The following OTOGL variants were observed in gnomAD, a reference collection of about 807,000 sequenced individuals.
OTOGL encodes otogelin like.
Under a neutral mutation model 318.5 loss-of-function variants are expected in OTOGL, and 285 were observed. The ratio of observed to expected loss-of-function variants is 0.89; its 90% CI spans 0.81 to 0.99. The LOEUF is 0.99. Ranked by LOEUF, OTOGL falls within the 50% of genes least tolerant of loss-of-function variation. The probability of loss-of-function intolerance (pLI) is 0.00; values close to 1 mark genes in which losing one functional copy is unlikely to be tolerated. For synonymous variants in OTOGL, 987 were observed against 936.5 expected (o/e 1.05, Z -0.99); for missense variants, 2,899 against 2,845.6 (o/e 1.02, Z -0.43).
rs1181700957 is a variant in OTOGL, at chr12:80,378,911, A to G, written c.*863A>G. The G allele has an allele frequency of 6.6e-6, 1 of 152,458 alleles. No individual in the cohort carries two copies. The highest frequency in any genetic ancestry group is 6.6e-5 in the Admixed American group (1 of 15,242). The allele number at this position is 152,458 out of a possible 1,614,324, so 9.4% of individuals were successfully genotyped here. A position where few individuals can be genotyped will look rare whatever the true frequency, so the allele number is the denominator to read the frequency against. ...GATAGATCTTGAACTGTTATTTTTT[A>G]TATAATTAAAACTGCTATTAAATGT... is the stretch of plus-strand genomic sequence containing the variant. On this transcript the variant is annotated 3_prime_UTR_variant, in exon 59 of 59. Transcript: ENST00000547103.
rs540699604 is a variant in OTOGL, at chr12:80,122,868, G to C, written c.-20+23263G>C. Among the ~76,000 whole-genome samples, 6 of 151,696 alleles carry C rather than the reference G, an allele frequency of 4.0e-5. No homozygotes were observed. In the East Asian group the frequency reaches 1.2e-3, roughly 29 times the overall value. On this transcript the variant is annotated intron_variant, in intron 1 of 58. Coordinates refer to ENST00000547103, the MANE Select transcript of OTOGL (RefSeq NM_001378609.3). ...CAGTTGCTCTGCAAGTTGAGTCCTT[G>C]CTTGCACTCTGGATTTTATTTTTAT...
At chr12:80,332,496 G>C (rs1446475286) in intron 37 of OTOGL, among the ~76,000 whole-genome samples, 1 of 151,948 alleles carries the variant, frequency 6.6e-6, no homozygotes. Context: ...CTTTTCTATG[G>C]GTCACTCCTA....
chr12:80,365,316 T>G (rs560551153), intron 52 of OTOGL, among the ~76,000 whole-genome samples: 44 of 152,224 alleles, frequency 2.9e-4, no homozygotes, highest in African/African-American at 9.9e-4. Context: ...ATTACCATAT[T>G]TTTTCAGGTA....
intron 1 of OTOGL, among the ~76,000 whole-genome samples, chr12:80,174,119 C>A (rs1332018968): frequency 6.6e-6 from 1 of 152,082 alleles, no homozygotes; most frequent in Non-Finnish European, 1.5e-5. Flanking sequence ...TTGTTTAAAC[C>A]ATGCTGATTT....
chr12:80,366,352 A>T (rs1396240714), intron 52 of OTOGL: 4 of 461,574 alleles, frequency 8.7e-6, no homozygotes, highest in Non-Finnish European at 1.7e-5. Flanking sequence ...AAAGTTCCTA[A>T]GGTTGGCAAA....
Position 80,356,396 on chromosome 12 carries a change from A to T in OTOGL, c.5807-20A>T, listed in dbSNP as rs1163816898. ...TTTAGTTGTGTTCACTAATATTTTA[A>T]CAGTTTTTCTTATTTATAGGATGTG... On this transcript the variant is annotated intron_variant, in intron 47 of 58. Coordinates refer to ENST00000547103, the MANE Select transcript of OTOGL (RefSeq NM_001378609.3). 1.7e-5 allele frequency: 27 copies of T among 1,573,856 alleles called. No individual in the cohort carries two copies. The highest frequency in any genetic ancestry group is 2.3e-5 in the Non-Finnish European group (26 of 1,148,250).
In OTOGL at chr12:80,149,086, A is replaced by G. The variant is rs556675394; in HGVS notation, c.-20+49481A>G. ...GTCGTTCTCCGTCCAGCTTTGTTCC[A>G]TTGCTGGTGAGGAACTGCGTTCCTT... On this transcript the variant is annotated intron_variant, in intron 1 of 58. Transcript: ENST00000547103. Among the ~76,000 whole-genome samples the G allele has an allele frequency of 1.6e-4, 24 of 152,000 alleles. 1 individual carries two copies. The highest frequency in any genetic ancestry group is 2.2e-4 in the Non-Finnish European group (15 of 68,028).
intron 18 of OTOGL, 147 bp from the exon 19 acceptor site, chr12:80,261,822 G>T (rs986007708): frequency 1.4e-5 from 13 of 956,938 alleles, no homozygotes; most frequent in African/African-American, 1.9e-5. Context: ...TAATATCGTT[G>T]TACTTTTTTT....
intron 1 of OTOGL, among the ~76,000 whole-genome samples, chr12:80,125,724 T>C (rs904769915): frequency 1.1e-4 from 17 of 152,204 alleles, no homozygotes; most frequent in African/African-American, 3.9e-4. Context: ...GAGCCTGTTA[T>C]TGGTCTATTC....
chr12:80,244,107 T>A (rs1032087406), intron 11 of OTOGL, among the ~76,000 whole-genome samples: 3 of 151,312 alleles, frequency 2.0e-5, no homozygotes, highest in Non-Finnish European at 4.4e-5. Flanking sequence ...TGCTAGTCTG[T>A]GCCACTAATG....
In OTOGL at chr12:80,277,557, C is replaced by T. The variant is rs1000698128; in HGVS notation, c.2682-611C>T. Among the ~76,000 whole-genome samples the T allele has an allele frequency of 6.0e-5, 9 of 150,592 alleles. No individual in the cohort carries two copies. The South Asian group carries it at 6.2e-4, about 10-fold the overall frequency. On this transcript the variant is annotated intron_variant, in intron 24 of 58. Coordinates refer to ENST00000547103, the MANE Select transcript of OTOGL (RefSeq NM_001378609.3). ...CATAGACATTTTTAGACACTTTCAG[C>T]GTATAATCTTTCAAGAAGAAAATAA...
At position 80,372,026 on chromosome 12, in the gene OTOGL, G is replaced by T; in HGVS notation, c.6743G>T (p.Gly2248Val). 6.4e-7 allele frequency: 1 copy of T among 1,550,706 alleles called. No individual in the cohort carries two copies. The highest frequency in any genetic ancestry group is 8.7e-7 in the Non-Finnish European group (1 of 1,144,862). Residue 2248 changes from glycine to valine, a missense_variant, in exon 57 of 59, where the codon GGG becomes GTG. Physicochemically the swap from Gly to Val is moderately radical, Grantham distance 109. This residue lies in a region of OTOGL where 289 missense variants were observed against 304.6 expected (regional missense o/e 0.95). Transcript: ENST00000547103. ...FNETECKMNE[G>V]IVKLYNEGCC... is the part of the protein sequence containing the mutation. ...GCTTTTTTCTCTTTCTAGAATGAAGGGATTGTGAAGCTTTATAATGAAGGC... is the reference window on the plus strand; with the variant it reads ...GCTTTTTTCTCTTTCTAGAATGAAGTGATTGTGAAGCTTTATAATGAAGGC...
intron 4 of OTOGL, among the ~76,000 whole-genome samples, chr12:80,212,335 A>G (rs1467789019): frequency 6.6e-6 from 1 of 152,196 alleles, no homozygotes; most frequent in Non-Finnish European, 1.5e-5. Flanking sequence ...GACAATGACA[A>G]CAGTATAATG....
chr12:80,202,014 A>G (rs1456946146), intron 1 of OTOGL, among the ~76,000 whole-genome samples: 1 of 152,114 alleles, frequency 6.6e-6, no homozygotes, highest in Non-Finnish European at 1.5e-5. Flanking sequence ...CAGTGCCAAA[A>G]AGAGCCTGAC....
intron 38 of OTOGL, 51 bp from the exon 39 acceptor site, chr12:80,335,912 A>G: frequency 7.0e-7 from 1 of 1,423,334 alleles, no homozygotes; most frequent in South Asian, 1.5e-5. Flanking sequence ...AAAATCAATT[A>G]AAAACATTAG....
chr12:80,128,536 G>A lies in OTOGL; in HGVS notation c.-20+28931G>A, dbSNP rs550710228. On this transcript the variant is annotated intron_variant, in intron 1 of 58. Coordinates refer to ENST00000547103, the MANE Select transcript of OTOGL (RefSeq NM_001378609.3). The stretch of plus-strand genomic sequence containing the variant: ...TGCCTGTTCTCAGATCTCCAGCTGC[G>A]TGCTGGGAGAACCACTACTCTCTTC... Among the ~76,000 whole-genome samples the A allele has an allele frequency of 4.5e-4, 68 of 152,300 alleles. 1 individual carries two copies. The Middle Eastern group carries it at 0.01, about 23-fold the overall frequency.
intron 1 of OTOGL, among the ~76,000 whole-genome samples, chr12:80,186,398 T>C (rs1451301316): frequency 1.3e-5 from 2 of 152,118 alleles, no homozygotes; most frequent in Admixed American, 6.5e-5. Context: ...CTTCATTACC[T>C]CTCGGATGTC....
chr12:80,239,292 C>A (rs1880154430), intron 10 of OTOGL, 41 bp from the exon 11 acceptor site: 1 of 1,398,246 alleles, frequency 7.2e-7, no homozygotes, highest in Non-Finnish European at 1.0e-6. Context: ...ATACACATAC[C>A]ATGAAACATA....
At chr12:80,262,208 A>C (rs1882600052) in intron 19 of OTOGL, 115 bp downstream of exon 19, 1 of 1,079,974 alleles carries the variant, frequency 9.3e-7, no homozygotes, top group South Asian at 3.1e-5. Context: ...ATTATGGTAA[A>C]ATCAATGCCA....
Sources: gnomAD v4.1 joint callset for allele counts (sites outside exome capture counted in the v4.1 genomes callset) on GRCh38, gnomAD v4.1.1 for gene constraint, gnomAD v4.1.1 regional missense constraint, MANE v1.5 for transcripts, NCBI Gene and HGNC (gene_info 2026-07-23, HGNC 2026-07-21) for gene names.